TIGD2: variants seen among roughly 807,000 people sequenced by gnomAD.
TIGD2 encodes tigger transposable element-derived protein 2.
In TIGD2, 14 loss-of-function variants were observed where a neutral mutation model predicts 27.0. That is an observed-to-expected ratio of 0.52 (90% CI 0.34 to 0.81). The LOEUF (loss-of-function observed/expected upper bound fraction) is 0.81, where lower values mean the gene tolerates loss of function less well. Ranked by LOEUF, TIGD2 falls within the 30% of genes least tolerant of loss-of-function variation. TIGD2 has a pLI of 0.01. For synonymous variants in TIGD2, 201 were observed against 209.0 expected (o/e 0.96, Z 0.33); for missense variants, 590 against 617.3 (o/e 0.96, Z 0.47).
Position 89,114,154 on chromosome 4 carries a change from G to C in TIGD2, c.1180G>C (p.Glu394Gln), listed in dbSNP as rs755360338. Residue 394 changes from glutamate (E) to glutamine (Q), a missense_variant, in exon 2 of 2, where the codon GAG becomes CAG. Physicochemically the swap from Glu to Gln is conservative, Grantham distance 29 (BLOSUM62 2). Around this residue, in one of 3 missense-constraint regions of TIGD2, gnomAD observed 451 missense variants for 448.0 expected, o/e 1.01. Transcript: ENST00000603357. Reference protein sequence around the residue: ...AWKKLFPGNEENSGMNIDEGA... With the variant: ...AWKKLFPGNEQNSGMNIDEGA... ...GAAAAAACTTTTCCCTGGCAATGAA[G>C]AGAATTCAGGTATGAACATTGATGA... is the stretch of plus-strand genomic sequence containing the variant. The C allele has an allele frequency of 6.2e-7, 1 of 1,614,116 alleles. No individual in the cohort carries two copies. The highest frequency in any genetic ancestry group is 8.5e-7 in the Non-Finnish European group (1 of 1,179,984).
upstream of TIGD2, chr4:89,111,414 G>C (rs567861055): frequency 6.1e-4 from 34 of 55,806 alleles, no homozygotes; most frequent in African/African-American, 0.015. Context: ...ACCCCTGCCG[G>C]GCCCCCGCCC....
chr4:89,114,057 A>T lies in TIGD2; in HGVS notation c.1083A>T (p.Thr361=), dbSNP rs772278327. The part of the protein sequence containing the change: ...NDPKIFWKNL[T]VLDAIYEVSR... ...CAAAAATATTTTGGAAGAACTTGAC[A>T]GTGTTGGATGCAATTTATGAAGTGT... Residue 361 remains threonine (T), a synonymous_variant, in exon 2 of 2, where the codon ACA becomes ACT. Transcript: ENST00000603357. 9 of 1,614,022 alleles carry T rather than the reference A, an allele frequency of 5.6e-6. No individual in the cohort carries two copies. In the East Asian group the frequency reaches 1.8e-4, roughly 32 times the overall value.
In TIGD2 at chr4:89,114,017, A is replaced by T. The variant is rs1032717149; in HGVS notation, c.1043A>T (p.Asp348Val). ...GCAGGACTTCTCCAGAAATACATGG[A>T]TGAAGGAAATGACCCAAAAATATTT... The part of the protein sequence containing the change: ...YRAGLLQKYM[D>V]EGNDPKIFWK... Residue 348 changes from aspartate (D) to valine (V), a missense_variant, in exon 2 of 2, where the codon GAT becomes GTT. Around this residue, in one of 3 missense-constraint regions of TIGD2, gnomAD observed 451 missense variants for 448.0 expected, o/e 1.01. Coordinates refer to ENST00000603357, the MANE Select transcript of TIGD2 (RefSeq NM_145715.3). The T allele has an allele frequency of 9.9e-6, 16 of 1,613,966 alleles. No homozygotes were observed. The highest frequency in any genetic ancestry group is 1.3e-5 in the African/African-American group (1 of 74,926).
Position 89,113,345 on chromosome 4 carries a change from G to C in TIGD2, c.371G>C (p.Gly124Ala), listed in dbSNP as rs997874013. ...GAAGGTGATTTTAATGCATCGTCAG[G>C]CTGGCTAACTCGATTTAAGCAGCGC... is the stretch of plus-strand genomic sequence containing the variant. ...GMEGDFNASSGWLTRFKQRHG... is the reference protein window; with the variant it reads ...GMEGDFNASSAWLTRFKQRHG... The change falls in exon 2 of 2, where the codon GGC becomes GCC. Residue 124 changes from glycine (G) to alanine (A), a missense_variant. This residue lies in a region of TIGD2 where 47 missense variants were observed against 79.7 expected (regional missense o/e 0.59). Coordinates refer to ENST00000603357, the MANE Select transcript of TIGD2 (RefSeq NM_145715.3). The C allele has an allele frequency of 6.2e-7, 1 of 1,614,186 alleles. No homozygotes were observed. The highest frequency in any genetic ancestry group is 1.1e-5 in the South Asian group (1 of 91,088).
upstream of TIGD2, chr4:89,111,526 G>C (rs1210266237): frequency 6.6e-6 from 1 of 152,222 alleles, no homozygotes; most frequent in African/African-American, 2.4e-5. Context: ...GCGCGCGCGT[G>C]CTCTCTAATC....
chr4:89,113,169 A>G lies in TIGD2; in HGVS notation c.195A>G (p.Val65=), dbSNP rs761397228. Reference sequence around the variant, plus strand: ...ACAGTTCAGATCCTACCAGTGGAGTATCCAAACGTAAATCTATGAAGTCAT... The same window carrying G: ...ACAGTTCAGATCCTACCAGTGGAGTGTCCAAACGTAAATCTATGAAGTCAT... ...YANSSDPTSG[V]SKRKSMKSST... is the part of the protein sequence containing the mutation. The change falls in exon 2 of 2, where the codon GTA becomes GTG. Residue 65 remains valine (V), a synonymous_variant. Transcript: ENST00000603357. The G allele has an allele frequency of 4.3e-6, 7 of 1,614,024 alleles. No individual in the cohort carries two copies. Among genetic ancestry groups the G allele is most frequent in the Non-Finnish European group, 5.9e-6 (7 of 1,180,036 alleles).
rs1721125359 is a variant in TIGD2, at chr4:89,112,799, G to A, written c.-176G>A. The A allele has an allele frequency of 1.8e-6, 1 of 567,096 alleles. No individual in the cohort carries two copies. Among genetic ancestry groups the A allele is most frequent in the South Asian group, 2.6e-5 (1 of 37,876 alleles). The allele number at this position is 567,096 out of a possible 1,614,324, so 35.1% of individuals were successfully genotyped here. ...AGGCTTTGTTGTAGGAAGTTTGTAA[G>A]TTTTAAAATAGCAAGTAGATTCACG... is the stretch of plus-strand genomic sequence containing the variant. On this transcript the variant is annotated 5_prime_UTR_variant, in exon 2 of 2. Coordinates refer to ENST00000603357, the MANE Select transcript of TIGD2 (RefSeq NM_145715.3).
At position 89,112,228 on chromosome 4, in the gene TIGD2, G is replaced by A. The variant is rs1721104558; in HGVS notation, c.-747G>A. The A allele has an allele frequency of 6.6e-6, 1 of 152,002 alleles. No individual in the cohort carries two copies. Among genetic ancestry groups the A allele is most frequent in the South Asian group, 2.1e-4 (1 of 4,812 alleles). 9.4% of individuals were successfully genotyped at this position (152,002 alleles called of 1,614,324 possible). On this transcript the variant is annotated 5_prime_UTR_variant, in exon 2 of 2. It removes the in-frame stop codon of an upstream open reading frame in the 5' UTR. Transcript: ENST00000603357. ...TCATTTCCACCGATGCAGTTTTTTT[G>A]ATGCTTTCTTTAGTAATGTGACATC...
chr4:89,111,403 C>A (rs1269356385), upstream of TIGD2: 4 of 118,884 alleles, frequency 3.4e-5, no homozygotes, highest in Admixed American at 1.5e-4. Flanking sequence ...CCTAGAGACG[C>A]ACCCCTGCCG....
In TIGD2 at chr4:89,114,738, T is replaced by G. The variant is rs1394177225; in HGVS notation, c.*186T>G. 1 of 593,000 alleles carries G rather than the reference T, an allele frequency of 1.7e-6. No individual in the cohort carries two copies. Among genetic ancestry groups the G allele is most frequent in the Non-Finnish European group, 2.9e-6 (1 of 342,042 alleles). The allele number at this position is 593,000 out of a possible 1,614,324, so 36.7% of individuals were successfully genotyped here. A position where few individuals can be genotyped will look rare whatever the true frequency, so the allele number is the denominator to read the frequency against. ...TGACTCTAGTCATTGGGCATTGACG[T>G]GTAACTTGTCTTTCTACTGTTTCTA... On this transcript the variant is annotated 3_prime_UTR_variant, in exon 2 of 2. Coordinates refer to ENST00000603357, the MANE Select transcript of TIGD2 (RefSeq NM_145715.3).
In TIGD2 at chr4:89,114,770, A is replaced by G. The variant is rs1721181118; in HGVS notation, c.*218A>G. ...TGTCTTTCTACTGTTTCTAATATCT[A>G]TTAATTAGATCATAAGGTACCTGAG... On this transcript the variant is annotated 3_prime_UTR_variant, in exon 2 of 2. Coordinates refer to ENST00000603357, the MANE Select transcript of TIGD2 (RefSeq NM_145715.3). The G allele has an allele frequency of 6.2e-6, 3 of 483,618 alleles. No homozygotes were observed. Among genetic ancestry groups the G allele is most frequent in the East Asian group, 3.6e-5 (1 of 27,544 alleles). 30.0% of individuals were successfully genotyped at this position (483,618 alleles called of 1,614,324 possible). A position where few individuals can be genotyped will look rare whatever the true frequency, so the allele number is the denominator to read the frequency against.
chr4:89,113,849 AT>A lies in TIGD2; in HGVS notation c.878del (p.Phe293SerfsTer11), dbSNP rs1303058212. The A allele has an allele frequency of 6.2e-7, 1 of 1,614,172 alleles. No homozygotes were observed. The highest frequency in any genetic ancestry group is 1.1e-5 in the South Asian group (1 of 91,084). On this transcript the variant is annotated frameshift_variant, in exon 2 of 2. Coordinates refer to ENST00000603357, the MANE Select transcript of TIGD2 (RefSeq NM_145715.3). LOFTEE classifies it high-confidence loss of function. ...GLLEKAVLLLDFPPARPNEEM... is the reference protein window; with the variant it reads ...GLLEKAVLLLXFPPARPNEEM... ...TTAGAAAAAGCAGTGCTTCTTTTAG[AT>A]TTCCCCCCAGCACGTCCAAATGAAG...
rs766977676 is a variant in TIGD2 at position 89,112,669 on chromosome 4, G to A, written c.-306G>A. 1.9e-5 allele frequency: 5 copies of A among 260,828 alleles called. No homozygotes were observed. The highest frequency in any genetic ancestry group is 3.6e-5 in the Non-Finnish European group (5 of 139,178). The allele number at this position is 260,828 out of a possible 1,614,324, so 16.2% of individuals were successfully genotyped here. A position where few individuals can be genotyped will look rare whatever the true frequency, so the allele number is the denominator to read the frequency against. On this transcript the variant is annotated 5_prime_UTR_variant, in exon 2 of 2. The change abolishes the stop of an existing upstream ORF in the 5' untranslated region. Coordinates refer to ENST00000603357, the MANE Select transcript of TIGD2 (RefSeq NM_145715.3). Reference sequence around the variant, plus strand: ...TTGAGTATGCAATAGTACTGTTTTAGAAGCCTTACCAGTACAGTTTCTAGC... The same window carrying A: ...TTGAGTATGCAATAGTACTGTTTTAAAAGCCTTACCAGTACAGTTTCTAGC...
In TIGD2 at chr4:89,114,467, T is replaced by G; in HGVS notation, c.1493T>G (p.Met498Arg). 6.2e-7 allele frequency: 1 copy of G among 1,613,644 alleles called. No homozygotes were observed. The highest frequency in any genetic ancestry group is 8.5e-7 in the Non-Finnish European group (1 of 1,179,602). ...GATTATCTTGAACAACAAGATGACATGCTTCTGTCTGATAAATTGGTATTA... is the reference window on the plus strand; with the variant it reads ...GATTATCTTGAACAACAAGATGACAGGCTTCTGTCTGATAAATTGGTATTA... Reference protein sequence around the residue: ...LLDYLEQQDDMLLSDKLVLRR... With the variant: ...LLDYLEQQDDRLLSDKLVLRR... Residue 498 changes from methionine to arginine, a missense_variant, in exon 2 of 2, where the codon ATG (methionine) becomes AGG (arginine). Physicochemically the swap from Met to Arg is moderately conservative, Grantham distance 91. Coordinates refer to ENST00000603357, the MANE Select transcript of TIGD2 (RefSeq NM_145715.3).
upstream of TIGD2, chr4:89,111,315 A>G (rs958118590): frequency 1.4e-6 from 1 of 739,736 alleles, no homozygotes; most frequent in Non-Finnish European, 1.7e-6. Flanking sequence ...GGACAAGGCG[A>G]GCGTGTGCCT....
Position 89,113,371 on chromosome 4 carries a change from C to T in TIGD2, c.397C>T (p.His133Tyr). 6.2e-7 allele frequency: 1 copy of T among 1,614,128 alleles called. No homozygotes were observed. ...CTGGCTAACTCGATTTAAGCAGCGC[C>T]ATGGTATTCCAAAGGCTGCTGGTAA... Reference protein sequence around the residue: ...SGWLTRFKQRHGIPKAAGKGT... With the variant: ...SGWLTRFKQRYGIPKAAGKGT... Residue 133 changes from histidine to tyrosine, a missense_variant, in exon 2 of 2, where the codon CAT becomes TAT. Coordinates refer to ENST00000603357, the MANE Select transcript of TIGD2 (RefSeq NM_145715.3).
Position 89,113,047 on chromosome 4 carries a change from G to A in TIGD2, c.73G>A (p.Gly25Ser), listed in dbSNP as rs1721135715. 6.2e-7 allele frequency: 1 copy of A among 1,612,378 alleles called. No homozygotes were observed. Among genetic ancestry groups the A allele is most frequent in the Non-Finnish European group, 8.5e-7 (1 of 1,179,578 alleles). Residue 25 changes from glycine (G) to serine (S), a missense_variant, in exon 2 of 2, where the codon GGC becomes AGC. Physicochemically the swap from Gly to Ser is moderately conservative, Grantham distance 56. Coordinates refer to ENST00000603357, the MANE Select transcript of TIGD2 (RefSeq NM_145715.3). ...TGACATTATTAAGAAACTTGAGGAA[G>A]GCATCTCTTTCAAAAAACTTTCCGT... is the stretch of plus-strand genomic sequence containing the variant. ...KLDIIKKLEE[G>S]ISFKKLSVVY...
chr4:89,111,612 G>C lies in TIGD2; in HGVS notation c.-1180G>C, dbSNP rs1280829973. 1 of 152,730 alleles carries C rather than the reference G, an allele frequency of 6.5e-6. No individual in the cohort carries two copies. The highest frequency in any genetic ancestry group is 2.1e-4 in the South Asian group (1 of 4,828). 9.5% of individuals were successfully genotyped at this position (152,730 alleles called of 1,614,324 possible). A position where few individuals can be genotyped will look rare whatever the true frequency, so the allele number is the denominator to read the frequency against. ...CGCCGCTGCCGGGCCACCAGTGCCA[G>C]CCTGCCTCAGGAGACTCCATTTGCG... On this transcript the variant is annotated 5_prime_UTR_variant, in exon 1 of 2. Coordinates refer to ENST00000603357, the MANE Select transcript of TIGD2 (RefSeq NM_145715.3).
chr4:89,114,337 A>C lies in TIGD2; in HGVS notation c.1363A>C (p.Lys455Gln). The C allele has an allele frequency of 6.2e-7, 1 of 1,614,120 alleles. No individual in the cohort carries two copies. The highest frequency in any genetic ancestry group is 8.5e-7 in the Non-Finnish European group (1 of 1,180,016). ...TDSESAEDQT[K>Q]AAEQKPSSKS... ...CAGTGAAAGTGCTGAGGACCAGACCAAGGCTGCTGAGCAAAAGCCTTCCAG... is the reference window on the plus strand; with the variant it reads ...CAGTGAAAGTGCTGAGGACCAGACCCAGGCTGCTGAGCAAAAGCCTTCCAG... Residue 455 changes from lysine (K) to glutamine (Q), a missense_variant, in exon 2 of 2, where the codon AAG becomes CAG. By Grantham distance (53) the Lys-to-Gln change is moderately conservative. Transcript: ENST00000603357.
Sources: allele counts gnomAD v4.1 joint callset, GRCh38; gene constraint gnomAD v4.1.1; regional missense constraint gnomAD v4.1.1; transcripts MANE v1.5; gene names NCBI Gene and HGNC (gene_info 2026-07-23, HGNC 2026-07-21).